TEAD1: variants seen among roughly 807,000 people sequenced by gnomAD.
TEAD1 encodes transcriptional enhancer factor TEF-1.
A neutral mutation model predicts 54.9 loss-of-function variants in TEAD1; 9 were observed. That is an observed-to-expected ratio of 0.16 (90% CI 0.10 to 0.29). The LOEUF is 0.29. Ranked by LOEUF, TEAD1 falls within the 10% of genes least tolerant of loss-of-function variation. The probability of loss-of-function intolerance (pLI) is 1.00; values close to 1 mark genes in which losing one functional copy is unlikely to be tolerated. For missense variants in TEAD1, 387 were observed against 535.9 expected (o/e 0.72, Z 2.74); for synonymous variants, 200 against 187.8 (o/e 1.07, Z -0.53).
At chr11:12,897,500 C>T (rs574543533) in intron 9 of TEAD1, among the ~76,000 whole-genome samples, 44 of 152,304 alleles carry the variant, frequency 2.9e-4, no homozygotes, top group Non-Finnish European at 4.3e-4. Context: ...ATGCTGTGGT[C>T]TCCAGGGCAC....
intron 12 of TEAD1, among the ~76,000 whole-genome samples, chr11:12,936,643 T>C (rs1249507454): frequency 6.6e-6 from 1 of 152,242 alleles, no homozygotes; most frequent in Non-Finnish European, 1.5e-5. Flanking sequence ...TATACATCTA[T>C]CATCACATTG....
At chr11:12,682,415 C>T (rs986893581) in intron 2 of TEAD1, among the ~76,000 whole-genome samples, 1 of 152,090 alleles carries the variant, frequency 6.6e-6, no homozygotes. Context: ...GTCACGGTTA[C>T]TGGTGAGGGG....
intron 4 of TEAD1, 152 bp downstream of exon 4, chr11:12,862,466 G>A: frequency 1.4e-6 from 1 of 706,416 alleles, no homozygotes; most frequent in Non-Finnish European, 2.6e-6. Context: ...AATTGGCTCA[G>A]TTTTCACTGT....
chr11:12,758,568 G>A (rs778637599), intron 2 of TEAD1, among the ~76,000 whole-genome samples: 26 of 151,930 alleles, frequency 1.7e-4, no homozygotes, highest in Non-Finnish European at 3.4e-4. Flanking sequence ...CTGCCACCAC[G>A]CCTGGCTAAT....
rs185578915 is a variant in TEAD1, at chr11:12,790,414, C to T, written c.202+25980C>T. Among the ~76,000 whole-genome samples the T allele has an allele frequency of 5.3e-4, 80 of 152,286 alleles. No homozygotes were observed. The East Asian group carries it at 0.013, about 24-fold the overall frequency. ...GTGATTAACATGTCATCTTTATCTC[C>T]ATATCCCTTGGACACAGTAGGTACT... is the stretch of plus-strand genomic sequence containing the variant. On this transcript the variant is annotated intron_variant, in intron 3 of 12. Coordinates refer to ENST00000527636, the MANE Select transcript of TEAD1 (RefSeq NM_021961.6).
At chr11:12,808,152 T>A (rs1321777265) in intron 3 of TEAD1, among the ~76,000 whole-genome samples, 1 of 152,228 alleles carries the variant, frequency 6.6e-6, no homozygotes, top group East Asian at 1.9e-4. Context: ...TCCAAGTAAC[T>A]TGTGGCTATC....
chr11:12,931,082 A>G (rs938121017), intron 12 of TEAD1, among the ~76,000 whole-genome samples: 3 of 152,214 alleles, frequency 2.0e-5, no homozygotes, highest in Admixed American at 2.0e-4. Flanking sequence ...CCTGGGTGAC[A>G]TAGTGACACC....
chr11:12,855,756 C>T (rs948828529), intron 3 of TEAD1, among the ~76,000 whole-genome samples: 6 of 151,744 alleles, frequency 4.0e-5, no homozygotes, highest in South Asian at 2.1e-4. Context: ...CTAGCCTGGG[C>T]AGCATAGTGA....
At chr11:12,757,779 T>C (rs1354426397) in intron 2 of TEAD1, among the ~76,000 whole-genome samples, 1 of 152,142 alleles carries the variant, frequency 6.6e-6, no homozygotes, top group East Asian at 1.9e-4. Flanking sequence ...TTTTTTATTT[T>C]TTATTTATTA....
intron 3 of TEAD1, among the ~76,000 whole-genome samples, chr11:12,784,452 T>C (rs1266987611): frequency 6.6e-6 from 1 of 152,146 alleles, no homozygotes; most frequent in Non-Finnish European, 1.5e-5. Flanking sequence ...GATAAGCTTG[T>C]CTAGGAGACA....
chr11:12,857,297 T>C (rs1458022942), intron 3 of TEAD1, among the ~76,000 whole-genome samples: 3 of 152,228 alleles, frequency 2.0e-5, no homozygotes, highest in Non-Finnish European at 4.4e-5. Flanking sequence ...TTGCTGCTTA[T>C]GTGCAGCCGG....
intron 9 of TEAD1, among the ~76,000 whole-genome samples, chr11:12,897,855 G>A (rs923624338): frequency 5.9e-5 from 9 of 152,124 alleles, no homozygotes; most frequent in Non-Finnish European, 1.2e-4. Flanking sequence ...TGGTTTAACG[G>A]TGTTAGAAAG....
chr11:12,770,430 A>T (rs1440532937), intron 3 of TEAD1, among the ~76,000 whole-genome samples: 1 of 152,200 alleles, frequency 6.6e-6, no homozygotes, highest in Non-Finnish European at 1.5e-5. Context: ...GAAGATGTGG[A>T]TTCATAAATC....
chr11:12,745,385 A>C (rs1405251204), intron 2 of TEAD1, among the ~76,000 whole-genome samples: 1 of 152,140 alleles, frequency 6.6e-6, no homozygotes, highest in Admixed American at 6.5e-5. Context: ...AACTACAGTG[A>C]ATTTCACTAC....
At chr11:12,720,412 C>G (rs557948577) in intron 2 of TEAD1, among the ~76,000 whole-genome samples, 7 of 152,264 alleles carry the variant, frequency 4.6e-5, no homozygotes, top group African/African-American at 1.7e-4. Flanking sequence ...AGATCAAATT[C>G]TACAATGCTT....
intron 2 of TEAD1, among the ~76,000 whole-genome samples, chr11:12,760,731 C>T (rs1030371881): frequency 2.0e-5 from 3 of 152,130 alleles, no homozygotes; most frequent in Admixed American, 2.0e-4. Flanking sequence ...TCTCCTACAG[C>T]GTGGTTGATA....
intron 2 of TEAD1, among the ~76,000 whole-genome samples, chr11:12,698,380 TGGAGATGGTAAA>T: frequency 6.6e-6 from 1 of 152,136 alleles, no homozygotes. Flanking sequence ...AGGTGGGGTC[TGGAGATGGTAAA>T]GGAATTGTTT....
intron 3 of TEAD1, among the ~76,000 whole-genome samples, chr11:12,767,600 C>G (rs111651580): frequency 2.0e-5 from 3 of 152,152 alleles, no homozygotes; most frequent in African/African-American, 7.2e-5. Context: ...AAAAGGACAA[C>G]TCTATGATGA....
intron 6 of TEAD1, 21 bp downstream of exon 6, chr11:12,879,863 A>G (rs1162623575): frequency 8.7e-6 from 14 of 1,612,526 alleles, no homozygotes; most frequent in South Asian, 1.1e-5. Flanking sequence ...AGCTCAGTCC[A>G]GTAATGACAG....
Sources: gnomAD v4.1 joint callset for allele counts (sites outside exome capture counted in the v4.1 genomes callset) on GRCh38, gnomAD v4.1.1 for gene constraint, MANE v1.5 for transcripts, NCBI Gene and HGNC (gene_info 2026-07-23, HGNC 2026-07-21) for gene names.